The following WWOX variants were observed in gnomAD, a reference collection of about 807,000 sequenced individuals.
WWOX encodes WW domain containing oxidoreductase.
A neutral mutation model predicts 46.2 loss-of-function variants in WWOX; 69 were observed. That is an observed-to-expected ratio of 1.49 (90% confidence interval 1.23 to 1.82). The LOEUF is 1.82. WWOX is among the 40% of genes most tolerant of loss of function. The probability of loss-of-function intolerance (pLI) is 0.00; values close to 1 mark genes in which losing one functional copy is unlikely to be tolerated. For missense variants in WWOX, 919 were observed against 542.6 expected (o/e 1.69, Z -6.89); for synonymous variants, 359 against 202.6 (o/e 1.77, Z -6.56).
intron 5 of WWOX, among the ~76,000 whole-genome samples, chr16:78,273,265 G>A (rs986858959): frequency 6.6e-6 from 1 of 152,062 alleles, no homozygotes; most frequent in Non-Finnish European, 1.5e-5. Flanking sequence ...CCCTGAATTG[G>A]CCCTAGCCTA....
At chr16:78,361,791 T>A (rs572963524) in intron 5 of WWOX, among the ~76,000 whole-genome samples, 17 of 152,206 alleles carry the variant, frequency 1.1e-4, no homozygotes, top group African/African-American at 3.6e-4. Flanking sequence ...TTTATATTTT[T>A]AGTAGAGATG....
intron 8 of WWOX, among the ~76,000 whole-genome samples, chr16:78,774,688 TG>T (rs1346914394): frequency 6.6e-6 from 1 of 151,792 alleles, no homozygotes; most frequent in Non-Finnish European, 1.5e-5. Flanking sequence ...ATTGTCTGTG[TG>T]GGGGGAGGGG....
At chr16:78,792,851 C>T (rs1023346053) in intron 8 of WWOX, among the ~76,000 whole-genome samples, 1 of 152,096 alleles carries the variant, frequency 6.6e-6, no homozygotes, top group African/African-American at 2.4e-5. Flanking sequence ...TCTCTGCTCA[C>T]CCCGGGGATT....
At chr16:78,797,400 G>C (rs575680272) in intron 8 of WWOX, among the ~76,000 whole-genome samples, 1 of 130,448 alleles carries the variant, frequency 7.7e-6, no homozygotes, top group African/African-American at 3.1e-5. Flanking sequence ...AATATAAAAA[G>C]GCAGCCCCGA....
intron 8 of WWOX, among the ~76,000 whole-genome samples, chr16:78,685,478 G>C (rs562246615): frequency 2.4e-4 from 36 of 152,318 alleles, no homozygotes; most frequent in African/African-American, 8.2e-4. Flanking sequence ...CCTAGCATGG[G>C]AGTTAAGTGC....
intron 8 of WWOX, among the ~76,000 whole-genome samples, chr16:78,914,880 G>GA (rs10706775): frequency 0.022 from 1,525 of 69,138 alleles, 33 homozygotes; most frequent in South Asian, 0.034. Flanking sequence ...CTCCGCCTCA[G>GA]AAAAAAAAAA....
intron 8 of WWOX, among the ~76,000 whole-genome samples, chr16:78,671,953 G>C (rs1358059373): frequency 1.3e-5 from 2 of 152,014 alleles, no homozygotes; most frequent in East Asian, 3.9e-4. Flanking sequence ...CCTTCAACTG[G>C]GTAGTGGAAA....
intron 8 of WWOX, among the ~76,000 whole-genome samples, chr16:78,574,251 T>C (rs1026589305): frequency 1.3e-5 from 2 of 152,204 alleles, no homozygotes; most frequent in African/African-American, 4.8e-5. Context: ...AATGTAATCA[T>C]GGAAGCCATG....
rs535226017 is a variant in WWOX at position 78,748,772 on chromosome 16, T to C, written c.1056+316020T>C. On this transcript the variant is annotated intron_variant, in intron 8 of 8. Transcript: ENST00000566780. Reference sequence around the variant, plus strand: ...ACTCGGATTACACTGCTCGGTGATATTACATCTGCATGCGTCTTGCCCTCT... The same window carrying C: ...ACTCGGATTACACTGCTCGGTGATACTACATCTGCATGCGTCTTGCCCTCT... 2.6e-5 allele frequency among the ~76,000 whole-genome samples: 4 copies of C among 152,338 alleles called. No individual in the cohort carries two copies. The South Asian group carries it at 6.2e-4, about 24-fold the overall frequency.
intron 8 of WWOX, chr16:78,896,626 A>G (rs1167667876): frequency 6.6e-6 from 1 of 152,180 alleles, no homozygotes; most frequent in Admixed American, 6.5e-5. Flanking sequence ...TCAGATAGTA[A>G]TTAGTAAACA....
In WWOX at chr16:78,421,117, T is replaced by C. The variant is rs137883454; in HGVS notation, c.606-3753T>C. Among the ~76,000 whole-genome samples, 346 of 152,332 alleles carry C rather than the reference T, an allele frequency of 2.3e-3. 1 individual carries two copies. Among genetic ancestry groups the C allele is most frequent in the South Asian group, 4.1e-3 (20 of 4,824 alleles). ...AAACGTTTATATGAATTTTGAATAT[T>C]AGGAAATAATCTTGGAAGCTATATT... On this transcript the variant is annotated intron_variant, in intron 6 of 8. Transcript: ENST00000566780.
chr16:78,638,522 C>G (rs1327264396), intron 8 of WWOX, among the ~76,000 whole-genome samples: 1 of 152,144 alleles, frequency 6.6e-6, no homozygotes. Context: ...CTCCTTTTGT[C>G]TGGCCTGTAC....
intron 5 of WWOX, among the ~76,000 whole-genome samples, chr16:78,356,227 A>AATCATATACACATATATAAAATATATGT (rs1384962598): frequency 6.6e-6 from 1 of 152,104 alleles, no homozygotes; most frequent in African/African-American, 2.4e-5. Context: ...TATTTGTGTG[A>AATCATATACACATATATAAAATATATGT]ATCATATACA....
chr16:79,067,636 G>GT lies in WWOX; in HGVS notation c.1057-143972_1057-143971insT, dbSNP rs1567527167. Among the ~76,000 whole-genome samples, 108 of 124,660 alleles carry GT rather than the reference G, an allele frequency of 8.7e-4. 1 individual carries two copies. The highest frequency in any genetic ancestry group is 2.4e-3 in the African/African-American group (78 of 32,424). The allele number at this position is 124,660 out of a possible 152,430, so 81.8% of individuals were successfully genotyped here. The stretch of plus-strand genomic sequence containing the variant: ...TTTGTGCGTGTGGGTGGGGTGGGGG[G>GT]CGGGGGGGGGCACTTATCACCACCT... On this transcript the variant is annotated intron_variant, in intron 8 of 8. Transcript: ENST00000566780.
intron 8 of WWOX, among the ~76,000 whole-genome samples, chr16:79,003,550 G>A (rs2047135375): frequency 6.6e-6 from 1 of 152,198 alleles, no homozygotes; most frequent in Non-Finnish European, 1.5e-5. Context: ...TCTTGCAGTG[G>A]CTGTTGATGG....
chr16:78,928,394 G>C (rs979677921), intron 8 of WWOX, among the ~76,000 whole-genome samples: 10 of 151,584 alleles, frequency 6.6e-5, no homozygotes, highest in Admixed American at 4.6e-4. Context: ...AGTAGAGACG[G>C]GGTTTCACCG....
chr16:78,476,714 C>T (rs892971339), intron 8 of WWOX, among the ~76,000 whole-genome samples: 1 of 152,170 alleles, frequency 6.6e-6, no homozygotes, highest in African/African-American at 2.4e-5. Flanking sequence ...AAATTATAAG[C>T]TAGCTAATTG....
intron 8 of WWOX, among the ~76,000 whole-genome samples, chr16:78,490,308 C>T (rs1842982738): frequency 6.9e-6 from 1 of 145,370 alleles, no homozygotes; most frequent in African/African-American, 2.7e-5. Flanking sequence ...ACAAATAACT[C>T]AGCGTTTAGT....
intron 8 of WWOX, among the ~76,000 whole-genome samples, chr16:78,603,815 C>G (rs1199255275): frequency 6.6e-6 from 1 of 152,146 alleles, no homozygotes; most frequent in East Asian, 1.9e-4. Flanking sequence ...ACTGACCACT[C>G]TCCATCTGAC....
Sources: allele counts gnomAD v4.1 joint callset (sites outside exome capture counted in the v4.1 genomes callset), GRCh38; gene constraint gnomAD v4.1.1; transcripts MANE v1.5; gene names NCBI Gene and HGNC (gene_info 2026-07-23, HGNC 2026-07-21).